The following ZSWIM6 variants were observed in gnomAD, a reference collection of about 807,000 sequenced individuals.
ZSWIM6 encodes zinc finger SWIM-type containing 6.
ZSWIM6 carries 9 observed loss-of-function variants against 113.2 expected under a neutral mutation model. The observed-to-expected ratio is 0.08, with a 90% CI of 0.05 to 0.14. ZSWIM6 has a LOEUF of 0.14. Ranked by LOEUF, ZSWIM6 falls within the 10% of genes least tolerant of loss-of-function variation. ZSWIM6 has a pLI of 1.00. For synonymous variants in ZSWIM6, 611 were observed against 606.5 expected, an observed-to-expected ratio of 1.01 and a Z score of -0.11; for missense variants, 1,162 against 1,552.2, an observed-to-expected ratio of 0.75 and a Z score of 4.22.
chr5:61,397,788 G>A (rs1745872052), intron 1 of ZSWIM6, among the ~76,000 whole-genome samples: 1 of 152,178 alleles, frequency 6.6e-6, no homozygotes, highest in Non-Finnish European at 1.5e-5. Flanking sequence ...CTAACTCCAA[G>A]TGTAGAGAAT....
intron 1 of ZSWIM6, among the ~76,000 whole-genome samples, chr5:61,419,061 A>T (rs1397073709): frequency 2.6e-5 from 4 of 152,218 alleles, no homozygotes; most frequent in African/African-American, 7.2e-5. Context: ...ACTTCAGGTG[A>T]TCCCCCTGCC....
At chr5:61,374,347 T>C (rs1449887247) in intron 1 of ZSWIM6, among the ~76,000 whole-genome samples, 2 of 152,196 alleles carry the variant, frequency 1.3e-5, no homozygotes, top group East Asian at 3.9e-4. Flanking sequence ...AATCTGCTAT[T>C]TTAACAGTAC....
Position 61,391,398 on chromosome 5 carries a change from T to G in ZSWIM6, c.676+58450T>G. 3 of 896,224 alleles carry G rather than the reference T, an allele frequency of 3.3e-6. No homozygotes were observed. The Admixed American group carries it at 5.1e-5, about 15-fold the overall frequency. The allele number at this position is 896,224 out of a possible 1,614,324, so 55.5% of individuals were successfully genotyped here. A position where few individuals can be genotyped will look rare whatever the true frequency, so the allele number is the denominator to read the frequency against. On this transcript the variant is annotated intron_variant, in intron 1 of 13. Coordinates refer to ENST00000252744, the MANE Select transcript of ZSWIM6 (RefSeq NM_020928.2). ...GGGTGTAGGCAATGATGCAGATGACTTGGCGGTACTTCTTCATGCTGCTGA... is the reference window on the plus strand; with the variant it reads ...GGGTGTAGGCAATGATGCAGATGACGTGGCGGTACTTCTTCATGCTGCTGA...
chr5:61,408,360 T>A (rs1157467343), intron 1 of ZSWIM6, among the ~76,000 whole-genome samples: 2 of 152,206 alleles, frequency 1.3e-5, no homozygotes, highest in Non-Finnish European at 2.9e-5. Context: ...GAAGCTATTG[T>A]CTCTTGACAA....
intron 1 of ZSWIM6, among the ~76,000 whole-genome samples, chr5:61,400,022 T>C (rs1171558968): frequency 6.6e-6 from 1 of 152,204 alleles, no homozygotes; most frequent in East Asian, 1.9e-4. Context: ...GCAACCTTCC[T>C]GAGGGGCATG....
chr5:61,360,760 GT>G, intron 1 of ZSWIM6, among the ~76,000 whole-genome samples: 1 of 152,232 alleles, frequency 6.6e-6, no homozygotes, highest in Non-Finnish European at 1.5e-5. Context: ...AATACAATGG[GT>G]TATTTAAGCT....
chr5:61,541,800 A>G (rs1749745003), intron 12 of ZSWIM6, 84 bp from the exon 13 acceptor site: 5 of 1,092,338 alleles, frequency 4.6e-6, no homozygotes, highest in Non-Finnish European at 6.7e-6. Flanking sequence ...GGTATGCCTT[A>G]TATGCCTTAT....
chr5:61,460,983 C>A lies in ZSWIM6; in HGVS notation c.677-11698C>A, dbSNP rs373880811. On this transcript the variant is annotated intron_variant, in intron 1 of 13. Transcript: ENST00000252744. ...GAAATTTTGCCAGCTGTATAGAACA[C>A]AACAAAAAGATATAATGCCCTAAGA... Among the ~76,000 whole-genome samples the A allele has an allele frequency of 3.3e-5, 5 of 152,072 alleles. No individual in the cohort carries two copies. In the East Asian group the frequency reaches 9.7e-4, roughly 29 times the overall value.
At chr5:61,469,574 G>A (rs552203976) in intron 1 of ZSWIM6, among the ~76,000 whole-genome samples, 9 of 152,298 alleles carry the variant, frequency 5.9e-5, no homozygotes, top group African/African-American at 2.2e-4. Context: ...GATCCCTTCT[G>A]CATAATTGTA....
intron 2 of ZSWIM6, among the ~76,000 whole-genome samples, chr5:61,486,595 A>G (rs1561258541): frequency 6.6e-6 from 1 of 152,002 alleles, no homozygotes; most frequent in African/African-American, 2.4e-5. Flanking sequence ...CTACATCCTC[A>G]CCAACATCTG....
chr5:61,372,727 T>G (rs1008172416), intron 1 of ZSWIM6, among the ~76,000 whole-genome samples: 4 of 152,210 alleles, frequency 2.6e-5, no homozygotes, highest in Non-Finnish European at 5.9e-5. Context: ...GTTACACTTG[T>G]GCCTCAGACT....
chr5:61,431,288 G>A (rs549103257), intron 1 of ZSWIM6, among the ~76,000 whole-genome samples: 7 of 145,290 alleles, frequency 4.8e-5, no homozygotes, highest in East Asian at 2.0e-4. Context: ...CAGGGGAATC[G>A]CTTGAATCTG....
intron 2 of ZSWIM6, among the ~76,000 whole-genome samples, chr5:61,488,243 A>G (rs1030624634): frequency 6.6e-6 from 1 of 151,858 alleles, no homozygotes; most frequent in Non-Finnish European, 1.5e-5. Flanking sequence ...TTTCTGACAT[A>G]CTGTTGGATT....
intron 1 of ZSWIM6, among the ~76,000 whole-genome samples, chr5:61,444,479 G>T (rs967436746): frequency 6.6e-6 from 1 of 151,942 alleles, no homozygotes; most frequent in African/African-American, 2.4e-5. Flanking sequence ...GGGATTGCTG[G>T]GTCAAATGGT....
intron 4 of ZSWIM6, among the ~76,000 whole-genome samples, chr5:61,505,653 TCC>T: frequency 9.0e-6 from 1 of 111,062 alleles, no homozygotes; most frequent in Non-Finnish European, 2.0e-5. Context: ...CTTCCTTCCT[TCC>T]TTCCTTCCTT....
intron 1 of ZSWIM6, among the ~76,000 whole-genome samples, chr5:61,419,850 G>A (rs1270660678): frequency 6.6e-6 from 1 of 152,198 alleles, no homozygotes; most frequent in Non-Finnish European, 1.5e-5. Flanking sequence ...GATCTGGGCT[G>A]GAGTTAGGTG....
At chr5:61,400,084 C>G (rs1449379846) in intron 1 of ZSWIM6, among the ~76,000 whole-genome samples, 1 of 152,114 alleles carries the variant, frequency 6.6e-6, no homozygotes. Context: ...CTCCATTTGT[C>G]TGTGTTCAGC....
chr5:61,421,079 TA>T (rs1429052929), intron 1 of ZSWIM6, among the ~76,000 whole-genome samples: 3 of 151,848 alleles, frequency 2.0e-5, no homozygotes, highest in Non-Finnish European at 4.4e-5. Flanking sequence ...CCTGCTCAGC[TA>T]ATTTATTTAT....
chr5:61,405,313 T>G (rs1746021646), intron 1 of ZSWIM6, among the ~76,000 whole-genome samples: 1 of 152,240 alleles, frequency 6.6e-6, no homozygotes, highest in Non-Finnish European at 1.5e-5. Flanking sequence ...AAGTAGATTT[T>G]TTAAATAAAT....
Sources: allele counts gnomAD v4.1 joint callset (sites outside exome capture counted in the v4.1 genomes callset), GRCh38; gene constraint gnomAD v4.1.1; transcripts MANE v1.5; gene names NCBI Gene and HGNC (gene_info 2026-07-23, HGNC 2026-07-21).